The following HIP1 variants were observed in gnomAD, a reference collection of about 807,000 sequenced individuals.
HIP1 encodes the protein huntingtin-interacting protein 1.
A neutral mutation model predicts 147.6 loss-of-function variants in HIP1; 65 were observed. The observed-to-expected ratio is 0.44, with a 90% CI of 0.36 to 0.54. The LOEUF (loss-of-function observed/expected upper bound fraction) is 0.54. Among genes scored for constraint, HIP1 ranks in the 20% least tolerant of loss-of-function variants. The pLI is 0.00. For synonymous variants in HIP1, 479 were observed against 504.0 expected, an observed-to-expected ratio of 0.95 and a Z score of 0.67; for missense variants, 1,061 against 1,299.6, an observed-to-expected ratio of 0.82 and a Z score of 2.82.
At chr7:75,700,195 CT>C (rs1554519084) in intron 1 of HIP1, among the ~76,000 whole-genome samples, 1 of 152,102 alleles carries the variant, frequency 6.6e-6, no homozygotes, top group Non-Finnish European at 1.5e-5. Flanking sequence ...TTCATGCTGG[CT>C]TCCTGGGCTC....
chr7:75,592,371 C>T lies in HIP1; in HGVS notation c.327+1G>A, dbSNP rs782763708. The T allele has an allele frequency of 3.7e-6, 6 of 1,603,570 alleles. No individual in the cohort carries two copies. The highest frequency in any genetic ancestry group is 4.3e-6 in the Non-Finnish European group (5 of 1,176,092). On this transcript the variant is annotated splice_donor_variant, in intron 3 of 30. Coordinates refer to ENST00000336926, the MANE Select transcript of HIP1 (RefSeq NM_005338.7). LOFTEE classifies it high-confidence loss of function. ...GCCACCCCATAGCCCCAGGAACTCA[C>T]GTTCGGGTGTCCATCTCGGAGGAGT...
chr7:75,635,740 A>G (rs1425057930), intron 1 of HIP1, among the ~76,000 whole-genome samples: 1 of 152,006 alleles, frequency 6.6e-6, no homozygotes, highest in Non-Finnish European at 1.5e-5. Flanking sequence ...TCATGCAGGG[A>G]CGCAATGTAC....
chr7:75,670,885 G>C (rs183218732), intron 1 of HIP1, among the ~76,000 whole-genome samples: 2 of 144,922 alleles, frequency 1.4e-5, no homozygotes, highest in African/African-American at 5.2e-5. Context: ...GCCTCCCAAA[G>C]TGCTGAGATT....
rs1800795006 is a variant in HIP1, at chr7:75,700,620, G to A, written c.120+38181C>T. ...ACCATCTACAGTCACTCAAAACACAGCCACGGCAGAGACAAAAGACAACAC... is the reference window on the plus strand; with the variant it reads ...ACCATCTACAGTCACTCAAAACACAACCACGGCAGAGACAAAAGACAACAC... On this transcript the variant is annotated intron_variant, in intron 1 of 30. Transcript: ENST00000336926. 3.3e-5 allele frequency among the ~76,000 whole-genome samples: 5 copies of A among 152,060 alleles called. No homozygotes were observed. The South Asian group carries it at 8.3e-4, about 25-fold the overall frequency.
intron 1 of HIP1, among the ~76,000 whole-genome samples, chr7:75,715,062 T>C (rs1408099939): frequency 1.3e-5 from 2 of 152,082 alleles, no homozygotes; most frequent in Non-Finnish European, 2.9e-5. Context: ...TGTTTTCCCA[T>C]GATTAGACTG....
At chr7:75,647,114 C>A (rs1287124696) in intron 1 of HIP1, among the ~76,000 whole-genome samples, 1 of 149,782 alleles carries the variant, frequency 6.7e-6, no homozygotes, top group Non-Finnish European at 1.5e-5. Context: ...GCCTGTAATC[C>A]CAGCACTTTG....
chr7:75,545,507 T>C (rs782531570), intron 25 of HIP1, among the ~76,000 whole-genome samples: 1 of 151,958 alleles, frequency 6.6e-6, no homozygotes, highest in Non-Finnish European at 1.5e-5. Context: ...CTAGGTGTGG[T>C]GGTGGGTGCC....
chr7:75,608,263 C>T (rs1797301462), intron 1 of HIP1, among the ~76,000 whole-genome samples: 2 of 152,094 alleles, frequency 1.3e-5, no homozygotes, highest in Non-Finnish European at 2.9e-5. Context: ...GCCGAGATCA[C>T]GCCACTGCAC....
chr7:75,539,452 G>A (rs1554489449), intron 29 of HIP1, 21 bp from the exon 30 acceptor site: 2 of 1,564,612 alleles, frequency 1.3e-6, no homozygotes, highest in South Asian at 1.1e-5. Flanking sequence ...AATTAAGTGG[G>A]ATTTTCTCTT....
At chr7:75,673,878 C>G (rs986176190) in intron 1 of HIP1, among the ~76,000 whole-genome samples, 2 of 150,204 alleles carry the variant, frequency 1.3e-5, no homozygotes, top group South Asian at 4.2e-4. Flanking sequence ...CCAAGCTACT[C>G]GAGAGGCTGA....
intron 1 of HIP1, among the ~76,000 whole-genome samples, chr7:75,735,646 C>T (rs781856403): frequency 9.2e-5 from 14 of 151,424 alleles, no homozygotes; most frequent in Non-Finnish European, 1.2e-4. Flanking sequence ...GATTGACTAA[C>T]GTTGGGTTTA....
intron 1 of HIP1, chr7:75,611,717 C>T: frequency 9.7e-7 from 1 of 1,033,418 alleles, no homozygotes; most frequent in Non-Finnish European, 1.2e-6. Flanking sequence ...AGGCTGTTCT[C>T]TGGACTTCCC....
intron 1 of HIP1, among the ~76,000 whole-genome samples, chr7:75,668,107 CT>C (rs1563281804): frequency 1.4e-4 from 4 of 29,386 alleles, no homozygotes; most frequent in Admixed American, 7.5e-4. Context: ...ATGACCTTTG[CT>C]AACTCGCAGC....
At chr7:75,582,214 GC>G in intron 5 of HIP1, 63 bp from the exon 6 acceptor site, 1 of 1,336,816 alleles carries the variant, frequency 7.5e-7, no homozygotes. Flanking sequence ...TCTCAGCCGG[GC>G]GTGGTGGCAC....
intron 13 of HIP1, among the ~76,000 whole-genome samples, chr7:75,561,016 G>A (rs1237189612): frequency 3.4e-5 from 5 of 149,220 alleles, no homozygotes; most frequent in African/African-American, 9.9e-5. Flanking sequence ...GCAGTGACAC[G>A]ATCTCAGTTC....
chr7:75,548,397 C>A lies in HIP1; in HGVS notation c.2406+494G>T, dbSNP rs587723995. On this transcript the variant is annotated intron_variant, in intron 23 of 30. Coordinates refer to ENST00000336926, the MANE Select transcript of HIP1 (RefSeq NM_005338.7). The stretch of plus-strand genomic sequence containing the variant: ...ACTAATCACCTTCTCTCATGAGGAC[C>A]TTCTCTCATGAGGACCTTCTCATTT... Among the ~76,000 whole-genome samples, 25 of 152,162 alleles carry A rather than the reference C, an allele frequency of 1.6e-4. 1 individual carries two copies. In the South Asian group the frequency reaches 2.5e-3, roughly 15 times the overall value.
At chr7:75,654,895 G>A (rs965103645) in intron 1 of HIP1, among the ~76,000 whole-genome samples, 8 of 151,580 alleles carry the variant, frequency 5.3e-5, no homozygotes, top group Non-Finnish European at 8.8e-5. Flanking sequence ...CATGCTTGTG[G>A]TCCCAGCTAC....
Position 75,582,063 on chromosome 7 carries a change from G to A in HIP1, c.542+12C>T, listed in dbSNP as rs1219869987. The A allele has an allele frequency of 1.2e-6, 2 of 1,610,594 alleles. No homozygotes were observed. Among genetic ancestry groups the A allele is most frequent in the East Asian group, 2.2e-5 (1 of 44,862 alleles). On this transcript the variant is annotated intron_variant, in intron 6 of 30. Transcript: ENST00000336926. Reference sequence around the variant, plus strand: ...TTTCTCCCTCCCTGGGCTCAGGGCAGGAGCCACTTACAAGTTGTTCACGTC... The same window carrying A: ...TTTCTCCCTCCCTGGGCTCAGGGCAAGAGCCACTTACAAGTTGTTCACGTC...
chr7:75,586,965 G>C (rs1796313434), intron 4 of HIP1, 132 bp from the exon 5 acceptor site: 2 of 663,024 alleles, frequency 3.0e-6, no homozygotes, highest in Non-Finnish European at 5.4e-6. Flanking sequence ...TTTAGAGATG[G>C]GGTCTAGCTC....
Sources: allele counts gnomAD v4.1 joint callset (sites outside exome capture counted in the v4.1 genomes callset), GRCh38; gene constraint gnomAD v4.1.1; transcripts MANE v1.5; gene names NCBI Gene and HGNC (gene_info 2026-07-23, HGNC 2026-07-21).